Variants in CORIN observed in about 807,000 individuals in gnomAD.
The protein encoded by CORIN is corin, serine peptidase.
A neutral mutation model predicts 125.3 loss-of-function variants in CORIN; 117 were observed. That is an observed-to-expected ratio of 0.93 (90% CI 0.80 to 1.09). CORIN has a LOEUF of 1.09. CORIN is among the 50% of genes least tolerant of loss of function. CORIN has a pLI of 0.00. For missense variants in CORIN, 1,253 were observed against 1,306.7 expected, an observed-to-expected ratio of 0.96 and a Z score of 0.63; for synonymous variants, 450 against 466.4, an observed-to-expected ratio of 0.96 and a Z score of 0.45.
intron 12 of CORIN, among the ~76,000 whole-genome samples, chr4:47,654,507 T>G (rs944038673): frequency 5.3e-5 from 8 of 152,104 alleles, no homozygotes; most frequent in Admixed American, 1.3e-4. Context: ...AGAGAATCTG[T>G]GCACTTGTGG....
At chr4:47,709,855 A>C (rs2109774902) in intron 5 of CORIN, among the ~76,000 whole-genome samples, 1 of 152,354 alleles carries the variant, frequency 6.6e-6, no homozygotes, top group African/African-American at 2.4e-5. Context: ...AAGTTTGACA[A>C]GGATTTTTCT....
At chr4:47,643,704 C>T (rs74479663) in intron 14 of CORIN, among the ~76,000 whole-genome samples, 3 of 151,990 alleles carry the variant, frequency 2.0e-5, no homozygotes, top group Non-Finnish European at 4.4e-5. Flanking sequence ...ATACATAGTT[C>T]TCTTTTGGGT....
At chr4:47,811,289 G>A (rs1732050387) in intron 1 of CORIN, among the ~76,000 whole-genome samples, 1 of 152,178 alleles carries the variant, frequency 6.6e-6, no homozygotes, top group African/African-American at 2.4e-5. Flanking sequence ...AGCTGATCAT[G>A]AGAACCATGC....
chr4:47,595,759 T>G lies in CORIN; in HGVS notation c.3091A>C (p.Lys1031Gln). 1 of 1,612,406 alleles carries G rather than the reference T, an allele frequency of 6.2e-7. No homozygotes were observed. The highest frequency in any genetic ancestry group is 8.5e-7 in the Non-Finnish European group (1 of 1,179,472). ...AAGGTCTGGATGTAAATCTGTCTTTTAATCCATTCGACGAAATATGACACA... is the reference window on the plus strand; with the variant it reads ...AAGGTCTGGATGTAAATCTGTCTTTGAATCCATTCGACGAAATATGACACA... Reference protein sequence around the residue: ...SNVSYFVEWIKRQIYIQTFLL... With the variant: ...SNVSYFVEWIQRQIYIQTFLL... The change falls in exon 22 of 22, where the codon AAA becomes CAA. Residue 1031 changes from lysine to glutamine, a missense_variant. By Grantham distance (53) the Lys-to-Gln change is moderately conservative. Transcript: ENST00000273857.
At chr4:47,743,044 T>A (rs1416742207) in intron 5 of CORIN, among the ~76,000 whole-genome samples, 1 of 152,038 alleles carries the variant, frequency 6.6e-6, no homozygotes, top group African/African-American at 2.4e-5. Flanking sequence ...TAGAAAAAAA[T>A]TAATTCCTAT....
chr4:47,731,690 G>A lies in CORIN; in HGVS notation c.799+12712C>T, dbSNP rs1244507403. 2.6e-5 allele frequency among the ~76,000 whole-genome samples: 4 copies of A among 152,070 alleles called. No individual in the cohort carries two copies. The East Asian group carries it at 7.7e-4, about 29-fold the overall frequency. On this transcript the variant is annotated intron_variant, in intron 5 of 21. Coordinates refer to ENST00000273857, the MANE Select transcript of CORIN (RefSeq NM_006587.4). The stretch of plus-strand genomic sequence containing the variant: ...TCGAGACTAGCCTGGCCAACATGGT[G>A]AAACCCCATCTCTACCAATAATACA...
intron 1 of CORIN, among the ~76,000 whole-genome samples, chr4:47,828,410 A>C (rs1173485485): frequency 6.6e-6 from 1 of 152,188 alleles, no homozygotes; most frequent in East Asian, 1.9e-4. Flanking sequence ...ACATTGAATT[A>C]ATAACCACAT....
At chr4:47,619,340 C>G (rs1722209109) in intron 19 of CORIN, among the ~76,000 whole-genome samples, 3 of 152,164 alleles carry the variant, frequency 2.0e-5, no homozygotes. Flanking sequence ...CAATGGGTCA[C>G]TCTAGGCCCT....
chr4:47,757,290 T>C (rs1427537655), intron 4 of CORIN, among the ~76,000 whole-genome samples: 1 of 152,046 alleles, frequency 6.6e-6, no homozygotes, highest in Non-Finnish European at 1.5e-5. Flanking sequence ...AATTATAAAA[T>C]TAAATATAAT....
At chr4:47,657,546 A>G (rs977124618) in intron 12 of CORIN, among the ~76,000 whole-genome samples, 2 of 151,758 alleles carry the variant, frequency 1.3e-5, no homozygotes, top group Non-Finnish European at 2.9e-5. Context: ...AAAAAAAAAA[A>G]AAAAAAAGAA....
intron 1 of CORIN, among the ~76,000 whole-genome samples, chr4:47,831,739 T>C (rs1733013159): frequency 6.6e-6 from 1 of 151,890 alleles, no homozygotes; most frequent in South Asian, 2.1e-4. Flanking sequence ...TTGAATAGTG[T>C]CTCCAAAATA....
chr4:47,696,903 C>A (rs927497851), intron 5 of CORIN, among the ~76,000 whole-genome samples: 1 of 152,132 alleles, frequency 6.6e-6, no homozygotes, highest in Non-Finnish European at 1.5e-5. Flanking sequence ...GAGTCCTTTT[C>A]AAAAATTATC....
At chr4:47,727,453 T>A (rs968188285) in intron 5 of CORIN, among the ~76,000 whole-genome samples, 49 of 152,096 alleles carry the variant, frequency 3.2e-4, no homozygotes, top group African/African-American at 1.1e-3. Flanking sequence ...TTATAAACAT[T>A]TATAATAGAT....
At chr4:47,693,571 T>C (rs1353023485) in intron 5 of CORIN, among the ~76,000 whole-genome samples, 2 of 151,924 alleles carry the variant, frequency 1.3e-5, no homozygotes, top group East Asian at 1.9e-4. Context: ...TGTTTGAACA[T>C]AGCATAGAGA....
At chr4:47,664,061 G>C (rs374853680) in intron 11 of CORIN, among the ~76,000 whole-genome samples, 1 of 152,058 alleles carries the variant, frequency 6.6e-6, no homozygotes, top group Non-Finnish European at 1.5e-5. Context: ...AAAACTCTGC[G>C]TGACTTCTGA....
intron 13 of CORIN, among the ~76,000 whole-genome samples, chr4:47,651,147 C>T (rs1723715949): frequency 6.6e-6 from 1 of 152,352 alleles, no homozygotes; most frequent in East Asian, 1.9e-4. Context: ...TATTTCATAA[C>T]TGAGTTAAAT....
intron 16 of CORIN, among the ~76,000 whole-genome samples, chr4:47,634,632 C>A (rs367916757): frequency 2.0e-5 from 3 of 152,150 alleles, no homozygotes; most frequent in African/African-American, 7.2e-5. Context: ...GAAACTCTGT[C>A]TTAAATAAAT....
At position 47,595,696 on chromosome 4, in the gene CORIN, C is replaced by A. The variant is rs377153350; in HGVS notation, c.*25G>T. On this transcript the variant is annotated 3_prime_UTR_variant, in exon 22 of 22. Coordinates refer to ENST00000273857, the MANE Select transcript of CORIN (RefSeq NM_006587.4). ...GGCCATTTTCTTTTAGTGTAGCTGG[C>A]AAAAGTCTCTGATCATCCTTATAAT... is the stretch of plus-strand genomic sequence containing the variant. 38 of 1,566,860 alleles carry A rather than the reference C, an allele frequency of 2.4e-5. No homozygotes were observed. In the African/African-American group the frequency reaches 4.5e-4, roughly 19 times the overall value.
At chr4:47,837,709 G>C (rs1041139669) in intron 1 of CORIN, among the ~76,000 whole-genome samples, 178 bp downstream of exon 1, 1 of 152,184 alleles carries the variant, frequency 6.6e-6, no homozygotes, top group African/African-American at 2.4e-5. Context: ...GTGCGCCTGG[G>C]AACTGGGTGC....
Sources: allele counts gnomAD v4.1 joint callset (sites outside exome capture counted in the v4.1 genomes callset), GRCh38; gene constraint gnomAD v4.1.1; transcripts MANE v1.5; gene names NCBI Gene and HGNC (gene_info 2026-07-23, HGNC 2026-07-21).